WIPF3: variants seen among roughly 807,000 people sequenced by gnomAD.
WIPF3 encodes the protein WAS/WASL interacting protein family member 3.
A neutral mutation model predicts 38.9 loss-of-function variants in WIPF3; 33 were observed. The ratio of observed to expected loss-of-function variants is 0.85; its 90% CI spans 0.64 to 1.14. WIPF3 has a LOEUF of 1.14. WIPF3 is among the 50% of genes most tolerant of loss of function. The pLI, the probability that WIPF3 is intolerant of heterozygous loss-of-function variation, is 0.00. For synonymous variants in WIPF3, 324 were observed against 269.3 expected (o/e 1.20, Z -1.99); for missense variants, 711 against 652.5 (o/e 1.09, Z -0.98).
intron 1 of WIPF3, among the ~76,000 whole-genome samples, chr7:29,819,990 T>C (rs758681021): frequency 7.2e-5 from 11 of 152,096 alleles, no homozygotes; most frequent in Non-Finnish European, 1.0e-4. Flanking sequence ...ATATTTAGAA[T>C]GTATAGTCAT....
At chr7:29,836,645 G>A (rs1784806797) in intron 2 of WIPF3, among the ~76,000 whole-genome samples, 1 of 152,212 alleles carries the variant, frequency 6.6e-6, no homozygotes, top group African/African-American at 2.4e-5. Flanking sequence ...AATGAAATGT[G>A]TTATGTCATA....
intron 2 of WIPF3, among the ~76,000 whole-genome samples, chr7:29,870,735 G>A (rs1195974166): frequency 1.3e-5 from 2 of 152,168 alleles, no homozygotes; most frequent in Non-Finnish European, 2.9e-5. Context: ...TCACAGTTCT[G>A]TACACTGTAC....
intron 4 of WIPF3, among the ~76,000 whole-genome samples, chr7:29,883,282 T>C (rs1437643264): frequency 2.0e-5 from 3 of 152,230 alleles, no homozygotes; most frequent in Non-Finnish European, 2.9e-5. Flanking sequence ...TCAAGGTCAT[T>C]GGACCTGGGT....
Position 29,823,304 on chromosome 7 carries a change from C to G in WIPF3, c.-57-11364C>G, listed in dbSNP as rs1371666029. ...TTAGATGGAGTGTCACTCTGTCACC[C>G]AGGCTGGAGTGCAGTGGCACGATTT... is the stretch of plus-strand genomic sequence containing the variant. On this transcript the variant is annotated intron_variant, in intron 1 of 8. Transcript: ENST00000242140. The surrounding 1 kb of genome is among the most constrained non-coding windows in gnomAD (Gnocchi z 4.0). Among the ~76,000 whole-genome samples, 2 of 152,104 alleles carry G rather than the reference C, an allele frequency of 1.3e-5. No individual in the cohort carries two copies. Among genetic ancestry groups the G allele is most frequent in the East Asian group, 3.9e-4 (2 of 5,194 alleles).
At chr7:29,875,750 G>C in intron 2 of WIPF3, 80 bp from the exon 3 acceptor site, 2 of 1,558,478 alleles carry the variant, frequency 1.3e-6, no homozygotes, top group African/African-American at 1.4e-5. Context: ...AGAACTGCAA[G>C]AGGAGAAACT....
intron 2 of WIPF3, among the ~76,000 whole-genome samples, chr7:29,850,128 A>T (rs1220286886): frequency 6.6e-6 from 1 of 152,256 alleles, no homozygotes. Context: ...AGTTACATTT[A>T]AAAGGAGCAT....
At chr7:29,865,470 A>G (rs1370298597) in intron 2 of WIPF3, among the ~76,000 whole-genome samples, 2 of 152,122 alleles carry the variant, frequency 1.3e-5, no homozygotes, top group African/African-American at 4.8e-5. Flanking sequence ...TGGCTCAGAG[A>G]AGAGCCAAGA....
chr7:29,842,623 C>T (rs1239758772), intron 2 of WIPF3, among the ~76,000 whole-genome samples: 2 of 152,154 alleles, frequency 1.3e-5, no homozygotes, highest in East Asian at 3.9e-4. Flanking sequence ...GGAGGTTTTC[C>T]CACCGTCTTT....
intron 1 of WIPF3, among the ~76,000 whole-genome samples, chr7:29,828,038 A>G (rs968294207): frequency 2.0e-5 from 3 of 152,110 alleles, no homozygotes; most frequent in African/African-American, 2.4e-5. Flanking sequence ...GGCTCAAGCT[A>G]TCTACCCATG....
Position 29,914,969 on chromosome 7 carries a change from T to G in WIPF3, c.*453T>G. On this transcript the variant is annotated 3_prime_UTR_variant, in exon 9 of 9. Coordinates refer to ENST00000242140, the MANE Select transcript of WIPF3 (RefSeq NM_001080529.3). ...CAAAATCAAACCAAATAATGCCTTA[T>G]CAATGATGCAGCTCAGAGGAAGTAG... The G allele has an allele frequency of 6.6e-6, 1 of 152,420 alleles. No homozygotes were observed. Among genetic ancestry groups the G allele is most frequent in the African/African-American group, 2.4e-5 (1 of 41,466 alleles). 9.4% of individuals were successfully genotyped at this position (152,420 alleles called of 1,614,324 possible). A position where few individuals can be genotyped will look rare whatever the true frequency, so the allele number is the denominator to read the frequency against.
chr7:29,913,214 C>T (rs190428513), intron 8 of WIPF3, among the ~76,000 whole-genome samples: 140 of 152,092 alleles, frequency 9.2e-4, no homozygotes, highest in African/African-American at 3.2e-3. Flanking sequence ...GGCATGGTGG[C>T]GCATATCTGT....
chr7:29,902,079 C>T (rs1451965631), intron 7 of WIPF3, among the ~76,000 whole-genome samples: 1 of 151,882 alleles, frequency 6.6e-6, no homozygotes, highest in Non-Finnish European at 1.5e-5. Flanking sequence ...TTCTGCAACA[C>T]ACAGGACCGC....
chr7:29,815,576 G>A (rs958195161), intron 1 of WIPF3, among the ~76,000 whole-genome samples: 1 of 152,120 alleles, frequency 6.6e-6, no homozygotes, highest in African/African-American at 2.4e-5. Flanking sequence ...AGGATCTAGG[G>A]AGGCAGTATT....
intron 2 of WIPF3, among the ~76,000 whole-genome samples, chr7:29,846,752 C>T (rs966262139): frequency 7.9e-5 from 12 of 152,196 alleles, no homozygotes; most frequent in African/African-American, 2.2e-4. Flanking sequence ...GGTTTAAACA[C>T]GTTTGTGTCC....
intron 2 of WIPF3, among the ~76,000 whole-genome samples, chr7:29,846,853 G>A (rs951367529): frequency 2.0e-5 from 3 of 152,186 alleles, no homozygotes; most frequent in Non-Finnish European, 2.9e-5. Context: ...AAAACAAAAC[G>A]TGGATTCTAG....
At chr7:29,851,984 T>C (rs1785106359) in intron 2 of WIPF3, among the ~76,000 whole-genome samples, 1 of 152,080 alleles carries the variant, frequency 6.6e-6, no homozygotes, top group Non-Finnish European at 1.5e-5. Flanking sequence ...ATTTTACTTA[T>C]TTTTATTTTT....
chr7:29,900,237 T>G (rs904377118), intron 7 of WIPF3, among the ~76,000 whole-genome samples: 8 of 152,228 alleles, frequency 5.3e-5, no homozygotes, highest in Non-Finnish European at 1.0e-4. Flanking sequence ...GCACCCAGCC[T>G]GTACACGAAA....
intron 1 of WIPF3, among the ~76,000 whole-genome samples, chr7:29,832,573 G>A: frequency 6.6e-6 from 1 of 152,178 alleles, no homozygotes; most frequent in Non-Finnish European, 1.5e-5. Context: ...ATCAAGGAAT[G>A]AGGCAGTAAC....
chr7:29,844,930 C>T lies in WIPF3; in HGVS notation c.90+10116C>T, dbSNP rs550014217. 1.4e-4 allele frequency among the ~76,000 whole-genome samples: 22 copies of T among 152,014 alleles called. No homozygotes were observed. Among genetic ancestry groups the T allele is most frequent in the South Asian group, 8.3e-4 (4 of 4,816 alleles). On this transcript the variant is annotated intron_variant, in intron 2 of 8. Transcript: ENST00000242140. This position sits in a 1 kb window ranked among gnomAD's most constrained non-coding sequence, Gnocchi z 4.8. ...TCTCAAGGATTACTTCTACTTCTCT[C>T]AATCTAAAAGCCAGGAAGTCAATGG...
Sources: gnomAD v4.1 joint callset for allele counts (sites outside exome capture counted in the v4.1 genomes callset) on GRCh38, gnomAD v4.1.1 for gene constraint, Gnocchi (gnomAD v3.1) non-coding constraint, MANE v1.5 for transcripts, NCBI Gene and HGNC (gene_info 2026-07-23, HGNC 2026-07-21) for gene names.